The following KCNT2 variants were observed in gnomAD, a reference collection of about 807,000 sequenced individuals.
KCNT2 encodes potassium channel subfamily T member 2.
Under a neutral mutation model 153.8 loss-of-function variants are expected in KCNT2, and 67 were observed. The ratio of observed to expected loss-of-function variants is 0.44; its 90% CI spans 0.36 to 0.53. The LOEUF is 0.53. Among genes scored for constraint, KCNT2 ranks in the 20% least tolerant of loss-of-function variants. The probability of loss-of-function intolerance (pLI) is 0.00; values close to 1 mark genes in which losing one functional copy is unlikely to be tolerated. For synonymous variants in KCNT2, 500 were observed against 458.8 expected, an observed-to-expected ratio of 1.09 and a Z score of -1.15; for missense variants, 975 against 1,354.8, an observed-to-expected ratio of 0.72 and a Z score of 4.40.
chr1:196,336,014 C>A (rs967902206), intron 16 of KCNT2, among the ~76,000 whole-genome samples: 9 of 152,078 alleles, frequency 5.9e-5, no homozygotes, highest in Non-Finnish European at 1.2e-4. Flanking sequence ...CTTCATTCCA[C>A]CCTCTTGACA....
chr1:196,595,768 A>G (rs1254270397), intron 1 of KCNT2, among the ~76,000 whole-genome samples: 1 of 151,942 alleles, frequency 6.6e-6, no homozygotes, highest in Non-Finnish European at 1.5e-5. Flanking sequence ...GTGATTTCTG[A>G]GACTTTAGTA....
intron 1 of KCNT2, among the ~76,000 whole-genome samples, chr1:196,530,677 T>A (rs1654819115): frequency 6.6e-6 from 1 of 152,110 alleles, no homozygotes; most frequent in Non-Finnish European, 1.5e-5. Context: ...TTTTCCATTT[T>A]CTTATACTGA....
In KCNT2 at chr1:196,412,390, T is replaced by C. The variant is rs567596002; in HGVS notation, c.1185+10660A>G. 1.1e-4 allele frequency among the ~76,000 whole-genome samples: 16 copies of C among 151,840 alleles called. No homozygotes were observed. The South Asian group carries it at 3.3e-3, about 31-fold the overall frequency. ...CATGTTTGGGGTACAGAATACTCAA[T>C]AAATATTTTTTGAATGAATACAGGA... On this transcript the variant is annotated intron_variant, in intron 12 of 27. Transcript: ENST00000294725.
chr1:196,301,550 GA>G (rs1484828380), intron 22 of KCNT2, among the ~76,000 whole-genome samples: 2 of 152,006 alleles, frequency 1.3e-5, no homozygotes, highest in African/African-American at 4.8e-5. Flanking sequence ...ATATTTATTA[GA>G]ATGCAAGGTC....
chr1:196,487,439 T>C (rs1184853727), intron 3 of KCNT2, among the ~76,000 whole-genome samples: 1 of 150,782 alleles, frequency 6.6e-6, no homozygotes, highest in Admixed American at 6.7e-5. Flanking sequence ...TGTGTGTATG[T>C]ATGTGTCTGT....
At chr1:196,384,905 C>T (rs1170404904) in intron 13 of KCNT2, among the ~76,000 whole-genome samples, 1 of 152,018 alleles carries the variant, frequency 6.6e-6, no homozygotes, top group East Asian at 1.9e-4. Flanking sequence ...CCCTCTTCCT[C>T]CCAAATGTCT....
At chr1:196,514,844 G>A (rs1032190648) in intron 1 of KCNT2, among the ~76,000 whole-genome samples, 7 of 151,844 alleles carry the variant, frequency 4.6e-5, no homozygotes, top group Non-Finnish European at 1.0e-4. Context: ...TTTTAGAATC[G>A]CGAAACTATT....
chr1:196,363,240 A>G (rs1572174956), intron 14 of KCNT2, among the ~76,000 whole-genome samples: 1 of 152,166 alleles, frequency 6.6e-6, no homozygotes, highest in East Asian at 1.9e-4. Context: ...TTGTGGCCCA[A>G]AAGATTCCAT....
chr1:196,411,272 T>A (rs1672305488), intron 12 of KCNT2, among the ~76,000 whole-genome samples: 1 of 151,424 alleles, frequency 6.6e-6, no homozygotes, highest in African/African-American at 2.4e-5. Flanking sequence ...TTAGTCTATA[T>A]GCGTGTATTT....
At chr1:196,557,152 A>G (rs2148912465) in intron 1 of KCNT2, among the ~76,000 whole-genome samples, 1 of 151,376 alleles carries the variant, frequency 6.6e-6, no homozygotes, top group African/African-American at 2.4e-5. Flanking sequence ...TGAATTGTTC[A>G]GAACAAAAAG....
Position 196,333,854 on chromosome 1 carries a change from T to C in KCNT2, c.1990A>G (p.Asn664Asp), listed in dbSNP as rs1275416659. 6.3e-7 allele frequency: 1 copy of C among 1,595,670 alleles called. No individual in the cohort carries two copies. The highest frequency in any genetic ancestry group is 1.7e-5 in the Admixed American group (1 of 59,834). ...TAGAGTATCTGAACATACTCTAAGT[T>C]TGAAGACATTTCTTCATCTGGTGTA... ...ETTPDEEMSS[N>D]LEYAKGYPPY... Residue 664 changes from asparagine (N) to aspartate (D), a missense_variant, in exon 17 of 28, where the codon AAC becomes GAC. By Grantham distance (23) the Asn-to-Asp change is conservative. Around this residue, in one of 6 missense-constraint regions of KCNT2, gnomAD observed 325 missense variants for 388.1 expected, o/e 0.84. Coordinates refer to ENST00000294725, the MANE Select transcript of KCNT2 (RefSeq NM_198503.5).
intron 5 of KCNT2, among the ~76,000 whole-genome samples, chr1:196,472,433 T>C (rs1678178855): frequency 6.6e-6 from 1 of 152,188 alleles, no homozygotes; most frequent in Non-Finnish European, 1.5e-5. Flanking sequence ...TCTATACCCA[T>C]GTTAAGTAAT....
chr1:196,470,246 C>T (rs1677971306), intron 5 of KCNT2, among the ~76,000 whole-genome samples: 1 of 152,182 alleles, frequency 6.6e-6, no homozygotes, highest in Admixed American at 6.5e-5. Flanking sequence ...AACCAAACCA[C>T]TTAACTTGGC....
chr1:196,545,904 A>G (rs1478267955), intron 1 of KCNT2, among the ~76,000 whole-genome samples: 1 of 151,904 alleles, frequency 6.6e-6, no homozygotes, highest in Non-Finnish European at 1.5e-5. Flanking sequence ...ATTTATTTTT[A>G]TTACTGAATA....
intron 25 of KCNT2, among the ~76,000 whole-genome samples, chr1:196,272,185 T>C (rs903669711): frequency 1.3e-5 from 2 of 151,934 alleles, no homozygotes; most frequent in South Asian, 4.1e-4. Flanking sequence ...ATTGGATAAG[T>C]GACTTGTCCA....
rs753869562 is a variant in KCNT2, at chr1:196,421,769, A to G, written c.1185+1281T>C. ...AAACAACAGAATGTTATTGTCTCAC[A>G]GTTCTACAGACTGGAATTCGGAAAT... On this transcript the variant is annotated intron_variant, in intron 12 of 27. Transcript: ENST00000294725. Among the ~76,000 whole-genome samples, 92 of 152,088 alleles carry G rather than the reference A, an allele frequency of 6.0e-4. 2 individuals are homozygous for G. Among genetic ancestry groups the G allele is most frequent in the Admixed American group, 2.6e-4 (4 of 15,212 alleles).
chr1:196,487,409 A>T (rs200798088), intron 3 of KCNT2, among the ~76,000 whole-genome samples: 1 of 146,436 alleles, frequency 6.8e-6, no homozygotes, highest in Non-Finnish European at 1.5e-5. Flanking sequence ...CATGTTATGG[A>T]GTGTGTGTGT....
intron 12 of KCNT2, among the ~76,000 whole-genome samples, chr1:196,407,080 G>A (rs1053594051): frequency 2.0e-5 from 3 of 151,272 alleles, no homozygotes; most frequent in Non-Finnish European, 4.4e-5. Flanking sequence ...ATCCAGAACG[G>A]TACACTCCAT....
At chr1:196,446,469 G>C (rs894191420) in intron 8 of KCNT2, among the ~76,000 whole-genome samples, 1 of 151,322 alleles carries the variant, frequency 6.6e-6, no homozygotes, top group African/African-American at 2.4e-5. Context: ...AGTCCAACTC[G>C]TTTCTCTAAA....
Sources: allele counts gnomAD v4.1 joint callset (sites outside exome capture counted in the v4.1 genomes callset), GRCh38; gene constraint gnomAD v4.1.1; regional missense constraint gnomAD v4.1.1; transcripts MANE v1.5; gene names NCBI Gene and HGNC (gene_info 2026-07-23, HGNC 2026-07-21).